The following TESK2 variants were observed in gnomAD, a reference collection of about 807,000 sequenced individuals.
TESK2 encodes dual specificity testis-specific protein kinase 2.
In TESK2, 39 loss-of-function variants were observed where a neutral mutation model predicts 57.1. The ratio of observed to expected loss-of-function variants is 0.68; its 90% CI spans 0.53 to 0.89. TESK2 has a LOEUF of 0.89. Ranked by LOEUF, TESK2 falls within the 40% of genes least tolerant of loss-of-function variation. The pLI is 0.00. For synonymous variants in TESK2, 249 were observed against 267.9 expected (o/e 0.93, Z 0.69); for missense variants, 646 against 732.1 (o/e 0.88, Z 1.36).
intron 1 of TESK2, among the ~76,000 whole-genome samples, chr1:45,475,746 G>A (rs1652963938): frequency 1.3e-5 from 2 of 152,130 alleles, no homozygotes; most frequent in South Asian, 4.2e-4. Flanking sequence ...CAATCTGGGT[G>A]GGCACCATCT....
chr1:45,466,650 AAAT>A (rs1257483316), intron 1 of TESK2, among the ~76,000 whole-genome samples: 4 of 148,804 alleles, frequency 2.7e-5, no homozygotes, highest in Non-Finnish European at 3.0e-5. Flanking sequence ...ACTCTATCTC[AAAT>A]AATAATAATA....
intron 2 of TESK2, among the ~76,000 whole-genome samples, chr1:45,455,054 T>C (rs1652018846): frequency 6.6e-6 from 1 of 152,150 alleles, no homozygotes; most frequent in African/African-American, 2.4e-5. Context: ...TAGTTATAAT[T>C]AAGCATTAAT....
intron 3 of TESK2, among the ~76,000 whole-genome samples, chr1:45,406,803 T>C (rs1294615438): frequency 6.6e-6 from 1 of 152,118 alleles, no homozygotes; most frequent in African/African-American, 2.4e-5. Context: ...TAGCTTCAAA[T>C]AGGCATATAA....
At chr1:45,448,576 C>T (rs1265925699) in intron 2 of TESK2, among the ~76,000 whole-genome samples, 1 of 152,090 alleles carries the variant, frequency 6.6e-6, no homozygotes, top group Middle Eastern at 3.4e-3. Flanking sequence ...GATCAAGAGA[C>T]AGAGAGGAGG....
intron 1 of TESK2, among the ~76,000 whole-genome samples, chr1:45,460,704 C>T (rs1326604683): frequency 2.0e-5 from 3 of 151,992 alleles, no homozygotes; most frequent in Non-Finnish European, 4.4e-5. Flanking sequence ...CAAGCATGTG[C>T]CATCATGCCT....
chr1:45,375,732 A>C (rs1648394498), intron 4 of TESK2, among the ~76,000 whole-genome samples: 1 of 152,152 alleles, frequency 6.6e-6, no homozygotes, highest in Admixed American at 6.5e-5. Context: ...CACTACCAAA[A>C]ATAAAAAATA....
In TESK2 at chr1:45,346,736, T is replaced by G; in HGVS notation, c.836A>C (p.Asp279Ala). ...AAGTTGCAGAAAATCTGGGGGACAG[T>G]CTCCCACCATGTGCTGGAAAGCATC... Reference protein sequence around the residue: ...DYDAFQHMVGDCPPDFLQLTF... With the variant: ...DYDAFQHMVGACPPDFLQLTF... Residue 279 changes from aspartate to alanine, a missense_variant, in exon 9 of 11, where the codon GAC becomes GCC. Coordinates refer to ENST00000372086, the MANE Select transcript of TESK2 (RefSeq NM_007170.3). The G allele has an allele frequency of 6.2e-7, 1 of 1,613,986 alleles. No individual in the cohort carries two copies. The highest frequency in any genetic ancestry group is 1.3e-5 in the African/African-American group (1 of 75,002).
At chr1:45,465,516 GAA>G (rs1444839932) in intron 1 of TESK2, among the ~76,000 whole-genome samples, 1 of 151,822 alleles carries the variant, frequency 6.6e-6, no homozygotes, top group African/African-American at 2.4e-5. Context: ...GACAAAGAAA[GAA>G]AGAAAAAGAG....
chr1:45,461,161 G>GT (rs5773874), intron 1 of TESK2, among the ~76,000 whole-genome samples: 67 of 148,810 alleles, frequency 4.5e-4, no homozygotes, highest in African/African-American at 7.4e-4. Flanking sequence ...CCTGGCCACT[G>GT]TTTTTTTTTT....
chr1:45,457,100 T>C (rs1652138794), intron 2 of TESK2, among the ~76,000 whole-genome samples: 2 of 152,082 alleles, frequency 1.3e-5, no homozygotes, highest in South Asian at 4.1e-4. Context: ...GGGCTACAGG[T>C]GCATGCCATT....
intron 1 of TESK2, among the ~76,000 whole-genome samples, chr1:45,473,653 A>G (rs1652860371): frequency 6.6e-6 from 1 of 152,244 alleles, no homozygotes; most frequent in Admixed American, 6.5e-5. Flanking sequence ...TTCCAATGAC[A>G]TAACAAAAAG....
intron 1 of TESK2, among the ~76,000 whole-genome samples, chr1:45,478,687 G>A (rs770196333): frequency 7.2e-5 from 11 of 152,028 alleles, no homozygotes; most frequent in Non-Finnish European, 1.5e-4. Context: ...AATTCTGAGA[G>A]GATACAGTCC....
rs1647228091 is a variant in TESK2, at chr1:45,351,323, A to G, written c.541-3323T>C. ...CACTGCCTCCCACTTCCTTCCAAGTAAGTTCTTGGCCTTGCCACTGCAAAA... is the reference window on the plus strand; with the variant it reads ...CACTGCCTCCCACTTCCTTCCAAGTGAGTTCTTGGCCTTGCCACTGCAAAA... On this transcript the variant is annotated intron_variant, in intron 5 of 10. Coordinates refer to ENST00000372086, the MANE Select transcript of TESK2 (RefSeq NM_007170.3). Among the ~76,000 whole-genome samples, 2 of 152,254 alleles carry G rather than the reference A, an allele frequency of 1.3e-5. 1 individual carries two copies. Among genetic ancestry groups the G allele is most frequent in the South Asian group, 4.1e-4 (2 of 4,836 alleles).
At position 45,344,062 on chromosome 1, in the gene TESK2, C is replaced by A; in HGVS notation, c.*778G>T. The A allele has an allele frequency of 4.2e-6, 1 of 235,572 alleles. No individual in the cohort carries two copies. The highest frequency in any genetic ancestry group is 7.0e-5 in the South Asian group (1 of 14,260). 14.6% of individuals were successfully genotyped at this position (235,572 alleles called of 1,614,324 possible). ...GCTCCAGCCATGGCAGGAAGGGAAG[C>A]AAATCAGTCCCTGTATAAACCATTT... On this transcript the variant is annotated 3_prime_UTR_variant, in exon 11 of 11. Coordinates refer to ENST00000372086, the MANE Select transcript of TESK2 (RefSeq NM_007170.3).
intron 4 of TESK2, among the ~76,000 whole-genome samples, chr1:45,373,028 C>CA (rs200182758): frequency 0.05 from 3,023 of 60,224 alleles, 80 homozygotes; most frequent in South Asian, 0.11. Context: ...ATCTCCGTCT[C>CA]AAAAAAAAAA....
intron 4 of TESK2, among the ~76,000 whole-genome samples, chr1:45,363,707 G>T (rs1291551028): frequency 6.6e-6 from 1 of 152,082 alleles, no homozygotes; most frequent in African/African-American, 2.4e-5. Context: ...ACAAAGCACA[G>T]AGATTAGTAA....
chr1:45,415,101 G>A (rs1650186762), intron 3 of TESK2: 1 of 1,439,082 alleles, frequency 6.9e-7, no homozygotes, highest in Admixed American at 1.7e-5. Flanking sequence ...GCTGTTTGCA[G>A]ACAAGTTTCC....
chr1:45,381,136 A>G (rs1648634536), intron 4 of TESK2, among the ~76,000 whole-genome samples: 1 of 152,234 alleles, frequency 6.6e-6, no homozygotes, highest in Non-Finnish European at 1.5e-5. Flanking sequence ...CATTCTGCCC[A>G]TAGTGGGAGT....
At chr1:45,357,028 T>G (rs918719195) in intron 4 of TESK2, among the ~76,000 whole-genome samples, 1 of 151,950 alleles carries the variant, frequency 6.6e-6, no homozygotes, top group Non-Finnish European at 1.5e-5. Context: ...ACTCTGTCTC[T>G]GTTAAAAATA....
Sources: gnomAD v4.1 joint callset for allele counts (sites outside exome capture counted in the v4.1 genomes callset) on GRCh38, gnomAD v4.1.1 for gene constraint, MANE v1.5 for transcripts, NCBI Gene and HGNC (gene_info 2026-07-23, HGNC 2026-07-21) for gene names.